The following PKHD1L1 variants were observed in gnomAD, a reference collection of about 807,000 sequenced individuals.
PKHD1L1 encodes fibrocystin-L.
PKHD1L1 carries 434 observed loss-of-function variants against 462.9 expected under a neutral mutation model. The observed-to-expected ratio is 0.94, with a 90% CI of 0.87 to 1.02. PKHD1L1 has a LOEUF of 1.02. Ranked by LOEUF, PKHD1L1 falls within the 50% of genes least tolerant of loss-of-function variation. The pLI is 0.00. For synonymous variants in PKHD1L1, 1,781 were observed against 1,750.0 expected (o/e 1.02, Z -0.44); for missense variants, 5,202 against 5,096.1 (o/e 1.02, Z -0.63).
chr8:109,396,179 A>C (rs747402245), intron 11 of PKHD1L1, 42 bp downstream of exon 11: 3 of 1,345,092 alleles, frequency 2.2e-6, no homozygotes, highest in Admixed American at 1.9e-5. Context: ...ATTACCACAA[A>C]TTCTGCCTGC....
chr8:109,367,561 C>T (rs2130310226), intron 2 of PKHD1L1, among the ~76,000 whole-genome samples: 1 of 152,278 alleles, frequency 6.6e-6, no homozygotes, highest in South Asian at 2.1e-4. Flanking sequence ...GACTTGTAAA[C>T]ATTTGCCACA....
rs948639703 is a variant in PKHD1L1 at position 109,474,984 on chromosome 8, A to G, written c.8606-134A>G. 2.5e-5 allele frequency: 17 copies of G among 672,280 alleles called. No homozygotes were observed. In the African/African-American group the frequency reaches 2.9e-4, roughly 12 times the overall value. The allele number at this position is 672,280 out of a possible 1,614,324, so 41.6% of individuals were successfully genotyped here. A position where few individuals can be genotyped will look rare whatever the true frequency, so the allele number is the denominator to read the frequency against. ...TTAATCTTTTTAAAGACTGTCATAG[A>G]CTAAACCAATATTTGCTAAACCAAC... On this transcript the variant is annotated intron_variant, in intron 50 of 77. Coordinates refer to ENST00000378402, the MANE Select transcript of PKHD1L1 (RefSeq NM_177531.6).
intron 25 of PKHD1L1, among the ~76,000 whole-genome samples, chr8:109,427,671 G>A (rs1353365646): frequency 6.6e-6 from 1 of 152,102 alleles, no homozygotes; most frequent in Non-Finnish European, 1.5e-5. Flanking sequence ...GGGGAAAGGA[G>A]TCAGGCCCAG....
intron 30 of PKHD1L1, among the ~76,000 whole-genome samples, chr8:109,437,876 G>A (rs532413592): frequency 6.6e-6 from 1 of 152,168 alleles, no homozygotes; most frequent in Non-Finnish European, 1.5e-5. Flanking sequence ...AGTTTTCTTA[G>A]GGGGTCCAAG....
At chr8:109,462,536 ATTATTTAT>A (rs535710849) in intron 48 of PKHD1L1, among the ~76,000 whole-genome samples, 10 of 151,804 alleles carry the variant, frequency 6.6e-5, no homozygotes, top group African/African-American at 1.9e-4. Context: ...CTTGCTTTTC[ATTATTTAT>A]TTATTTATTT....
At chr8:109,485,467 C>T (rs1035067676) in intron 58 of PKHD1L1, among the ~76,000 whole-genome samples, 3 of 151,858 alleles carry the variant, frequency 2.0e-5, no homozygotes, top group Admixed American at 1.3e-4. Context: ...TTCTTGTGCA[C>T]GCTGAAATTT....
chr8:109,475,204 T>C lies in PKHD1L1; in HGVS notation c.8692T>C (p.Trp2898Arg), dbSNP rs1299219066. ...GATTCCAAATGCAAATCACATTAAC[T>C]GGTATTTTAAAGGTGTGGATCACAT... ...ALIPNANHIN[W>R]YFKGVDHITN... The change falls in exon 51 of 78, where the codon TGG becomes CGG. Residue 2898 changes from tryptophan (W) to arginine (R), a missense_variant. By Grantham distance (101) the Trp-to-Arg change is moderately radical. Transcript: ENST00000378402. 3 of 1,612,574 alleles carry C rather than the reference T, an allele frequency of 1.9e-6. No individual in the cohort carries two copies.
chr8:109,451,166 A>G lies in PKHD1L1; in HGVS notation c.6350+17A>G, dbSNP rs770197296. ...AGGATTCAGGTACTGTCTCCACACA[A>G]ACACGCATCATTGTGCATTTCCAGA... On this transcript the variant is annotated intron_variant, in intron 41 of 77. Coordinates refer to ENST00000378402, the MANE Select transcript of PKHD1L1 (RefSeq NM_177531.6). 15 of 1,583,562 alleles carry G rather than the reference A, an allele frequency of 9.5e-6. No homozygotes were observed. The highest frequency in any genetic ancestry group is 3.9e-4 in the Middle Eastern group (2 of 5,100).
chr8:109,383,319 A>G (rs1812257588), intron 4 of PKHD1L1, among the ~76,000 whole-genome samples: 1 of 108,646 alleles, frequency 9.2e-6, no homozygotes, highest in Non-Finnish European at 1.7e-5. Context: ...TACATAATAT[A>G]TAATTAATAT....
chr8:109,475,146 A>G lies in PKHD1L1; in HGVS notation c.8634A>G (p.Lys2878=). 1 of 1,610,106 alleles carries G rather than the reference A, an allele frequency of 6.2e-7. No homozygotes were observed. The highest frequency in any genetic ancestry group is 2.2e-5 in the East Asian group (1 of 44,596). ...CAAGCATTATTCCATTTCAGAAGAA[A>G]CGACTGACTCATATGTCTGGATGGA... The part of the protein sequence containing the change: ...FGTSIIPFQK[K]RLTHMSGWMA... Residue 2878 remains lysine (K), a synonymous_variant, in exon 51 of 78, where the codon AAA becomes AAG. Coordinates refer to ENST00000378402, the MANE Select transcript of PKHD1L1 (RefSeq NM_177531.6).
chr8:109,491,917 A>G lies in PKHD1L1; in HGVS notation c.10159A>G (p.Ile3387Val). Reference sequence around the variant, plus strand: ...TGCCAACCGAGTCCGAGGGAATTTGATTGCACTTTCGGTTTGGCCAGGAAC... The same window carrying G: ...TGCCAACCGAGTCCGAGGGAATTTGGTTGCACTTTCGGTTTGGCCAGGAAC... Reference protein sequence around the residue: ...GNANRVRGNLIALSVWPGTYQ... With the variant: ...GNANRVRGNLVALSVWPGTYQ... The change falls in exon 62 of 78, where the codon ATT (isoleucine) becomes GTT (valine). Residue 3387 changes from isoleucine (I) to valine (V), a missense_variant. By Grantham distance (29) the Ile-to-Val change is conservative (BLOSUM62 3). This residue lies in a region of PKHD1L1 where 4,497 missense variants were observed against 4,336.8 expected (regional missense o/e 1.04). Transcript: ENST00000378402. The G allele has an allele frequency of 6.2e-7, 1 of 1,604,892 alleles. No homozygotes were observed. The highest frequency in any genetic ancestry group is 1.1e-5 in the South Asian group (1 of 90,198).
intron 21 of PKHD1L1, among the ~76,000 whole-genome samples, chr8:109,418,380 G>T (rs1164548637): frequency 1.3e-5 from 2 of 152,088 alleles, no homozygotes; most frequent in Non-Finnish European, 2.9e-5. Context: ...GGACTGTAAG[G>T]TACCCAAACA....
In PKHD1L1 at chr8:109,382,504, A is replaced by T; in HGVS notation, c.350A>T (p.Asp117Val). Residue 117 changes from aspartate (D) to valine (V), a missense_variant, in exon 4 of 78, where the codon GAC becomes GTC. Around this residue, in one of 3 missense-constraint regions of PKHD1L1, gnomAD observed 4,497 missense variants for 4,336.8 expected, o/e 1.04. Transcript: ENST00000378402. ...TCCTACACTGTTAGAGTCAGTGTGG[A>T]CGGGGTTCCTGTTACGGAAAATAAC... is the stretch of plus-strand genomic sequence containing the variant. The part of the protein sequence containing the change: ...EDSYTVRVSV[D>V]GVPVTENNTC... 6.2e-7 allele frequency: 1 copy of T among 1,612,540 alleles called. No individual in the cohort carries two copies. The highest frequency in any genetic ancestry group is 1.7e-5 in the Admixed American group (1 of 59,842).
rs2130717998 is a variant in PKHD1L1, at chr8:109,436,407, C to T, written c.3575C>T (p.Thr1192Ile). Residue 1192 changes from threonine (T) to isoleucine (I), a missense_variant, in exon 30 of 78, where the codon ACC becomes ATC. By Grantham distance (89) the Thr-to-Ile change is moderately conservative. Coordinates refer to ENST00000378402, the MANE Select transcript of PKHD1L1 (RefSeq NM_177531.6). The part of the protein sequence containing the change: ...ENSKVLVGNE[T>I]CNVIEGDLNR... ...TCAAAGGTATTAGTTGGAAATGAAACCTGCAATGTGATTGAAGGGGATTTG... is the reference window on the plus strand; with the variant it reads ...TCAAAGGTATTAGTTGGAAATGAAATCTGCAATGTGATTGAAGGGGATTTG... 6.2e-7 allele frequency: 1 copy of T among 1,613,268 alleles called. No homozygotes were observed. The highest frequency in any genetic ancestry group is 1.1e-5 in the South Asian group (1 of 91,008).
chr8:109,425,332 G>A, intron 24 of PKHD1L1, 100 bp downstream of exon 24: 1 of 748,008 alleles, frequency 1.3e-6, no homozygotes, highest in Non-Finnish European at 1.9e-6. Context: ...ACTACTTATT[G>A]ATACATACAA....
chr8:109,362,788 G>A (rs1441309662), intron 1 of PKHD1L1, 135 bp downstream of exon 1: 4 of 881,394 alleles, frequency 4.5e-6, no homozygotes, highest in Admixed American at 2.1e-5. Flanking sequence ...TGACGATCCT[G>A]GGGACCAGGG....
At chr8:109,387,572 C>G (rs1030849936) in intron 6 of PKHD1L1, among the ~76,000 whole-genome samples, 3 of 152,024 alleles carry the variant, frequency 2.0e-5, no homozygotes, top group Non-Finnish European at 4.4e-5. Context: ...ATCATAGGAA[C>G]CTATAAGTGT....
intron 70 of PKHD1L1, 103 bp downstream of exon 70, chr8:109,508,367 A>T: frequency 8.0e-7 from 1 of 1,244,092 alleles, no homozygotes; most frequent in Non-Finnish European, 1.1e-6. Context: ...ACTAGCAAAC[A>T]TCAGGCCTTG....
At chr8:109,435,025 A>G (rs1162464032) in intron 28 of PKHD1L1, among the ~76,000 whole-genome samples, 165 bp from the exon 29 acceptor site, 1 of 152,164 alleles carries the variant, frequency 6.6e-6, no homozygotes, top group African/African-American at 2.4e-5. Flanking sequence ...TGTAAGAATT[A>G]TTCCTCCTAA....
Sources: allele counts gnomAD v4.1 joint callset (sites outside exome capture counted in the v4.1 genomes callset), GRCh38; gene constraint gnomAD v4.1.1; regional missense constraint gnomAD v4.1.1; transcripts MANE v1.5; gene names NCBI Gene and HGNC (gene_info 2026-07-23, HGNC 2026-07-21).